Variants in INTS2 observed in about 807,000 individuals in gnomAD.
The protein encoded by INTS2 is KIAA1287.
INTS2 carries 57 observed loss-of-function variants against 139.6 expected under a neutral mutation model. That is an observed-to-expected ratio of 0.41 (90% CI 0.33 to 0.51). The LOEUF (loss-of-function observed/expected upper bound fraction) is 0.51, where lower values mean the gene tolerates loss of function less well. Ranked by LOEUF, INTS2 falls within the 20% of genes least tolerant of loss-of-function variation. The probability of loss-of-function intolerance (pLI) is 0.28; values close to 1 mark genes in which losing one functional copy is unlikely to be tolerated. For synonymous variants in INTS2, 473 were observed against 493.4 expected, an observed-to-expected ratio of 0.96 and a Z score of 0.55; for missense variants, 1,196 against 1,436.7, an observed-to-expected ratio of 0.83 and a Z score of 2.71.
In INTS2 at chr17:61,875,124, A is replaced by G. The variant is rs1038528690; in HGVS notation, c.2457-86T>C. 2 of 955,288 alleles carry G rather than the reference A, an allele frequency of 2.1e-6. No homozygotes were observed. The highest frequency in any genetic ancestry group is 3.7e-5 in the Admixed American group (1 of 27,046). The allele number at this position is 955,288 out of a possible 1,614,324, so 59.2% of individuals were successfully genotyped here. A position where few individuals can be genotyped will look rare whatever the true frequency, so the allele number is the denominator to read the frequency against. On this transcript the variant is annotated intron_variant, in intron 18 of 24. Transcript: ENST00000251334. This position sits in a 1 kb window ranked among gnomAD's most constrained non-coding sequence, Gnocchi z 4.6. Reference sequence around the variant, plus strand: ...CCAGTCCTTTCTATCTTAGAAAGTTATATTCAGTAAATAATTAGAAAATAC... The same window carrying G: ...CCAGTCCTTTCTATCTTAGAAAGTTGTATTCAGTAAATAATTAGAAAATAC...
chr17:61,874,934 C>A lies in INTS2; in HGVS notation c.2561G>T (p.Arg854Met). The change falls in exon 19 of 25, where the codon AGG becomes ATG. Residue 854 changes from arginine (R) to methionine (M), a missense_variant. Transcript: ENST00000251334. The part of the protein sequence containing the change: ...DLMIDPLIVL[R>M]CDQRVHRCPP... Reference sequence around the variant, plus strand: ...GTACCTGTGAACCCTCTGATCACACCTTAGGACAATGAGAGGATCTATCAT... The same window carrying A: ...GTACCTGTGAACCCTCTGATCACACATTAGGACAATGAGAGGATCTATCAT... The A allele has an allele frequency of 6.3e-7, 1 of 1,597,698 alleles. No individual in the cohort carries two copies.
chr17:61,914,702 CAA>C (rs58141533), intron 5 of INTS2, among the ~76,000 whole-genome samples: 28 of 49,326 alleles, frequency 5.7e-4, no homozygotes, highest in African/African-American at 1.1e-3. Context: ...GACTCCGTCT[CAA>C]AAAAAAAAAA....
Position 61,867,983 on chromosome 17 carries a change from A to G in INTS2, c.3271T>C (p.Phe1091Leu), listed in dbSNP as rs1396089215. 2 of 1,602,610 alleles carry G rather than the reference A, an allele frequency of 1.2e-6. No homozygotes were observed. The highest frequency in any genetic ancestry group is 1.7e-6 in the Non-Finnish European group (2 of 1,176,900). ...AAACTTGGCAGAGTTGGCATAAAAA[A>G]AGCATACCGCTTAGCCTGTGTTAAA... ...TVLTQAKRYA[F>L]FMPTLPSLVS... is the part of the protein sequence containing the mutation. Residue 1091 changes from phenylalanine to leucine, a missense_variant, in exon 24 of 25, where the codon TTT (phenylalanine) becomes CTT (leucine). By Grantham distance (22) the Phe-to-Leu change is conservative. Transcript: ENST00000251334. This position sits in a 1 kb window ranked among gnomAD's most constrained non-coding sequence, Gnocchi z 5.6.
At chr17:61,888,394 T>C (rs1163904443) in intron 15 of INTS2, among the ~76,000 whole-genome samples, 1 of 152,020 alleles carries the variant, frequency 6.6e-6, no homozygotes, top group Non-Finnish European at 1.5e-5. Context: ...AAATGAACTA[T>C]ACACATGTAG....
chr17:61,914,635 G>A (rs1203979525), intron 5 of INTS2, among the ~76,000 whole-genome samples: 7 of 151,202 alleles, frequency 4.6e-5, no homozygotes, highest in East Asian at 3.9e-4. Context: ...CACAGGAGGC[G>A]GAGCTTGCAG....
chr17:61,917,546 C>G (rs2079595267), intron 5 of INTS2, among the ~76,000 whole-genome samples: 1 of 152,224 alleles, frequency 6.6e-6, no homozygotes, highest in Non-Finnish European at 1.5e-5. Context: ...CCAAATACCA[C>G]ATGTTCTCAC....
In INTS2 at chr17:61,907,611, A is replaced by G. The variant is rs1204096187; in HGVS notation, c.978T>C (p.Ser326=). The change falls in exon 8 of 25, where the codon TCT becomes TCC. Residue 326 remains serine, a synonymous_variant. Coordinates refer to ENST00000251334, the MANE Select transcript of INTS2 (RefSeq NM_001351695.2). The stretch of plus-strand genomic sequence containing the variant: ...GCTGCCTTCTCATCTGCCAAAGGAC[A>G]GAACTGCTGGTCTCTCTTTTTCTCT... ...GQQRKRETSS[S]VLWQMRRQLL... 1.3e-6 allele frequency: 2 copies of G among 1,587,928 alleles called. No individual in the cohort carries two copies. Among genetic ancestry groups the G allele is most frequent in the Admixed American group, 3.6e-5 (2 of 55,820 alleles).
chr17:61,924,886 CTCTTTT>C, intron 3 of INTS2, 69 bp downstream of exon 3: 2 of 1,459,750 alleles, frequency 1.4e-6, no homozygotes, highest in Non-Finnish European at 1.9e-6. Flanking sequence ...GACTTCTTGT[CTCTTTT>C]TCTGTCTACC....
Position 61,869,952 on chromosome 17 carries a change from G to C in INTS2, c.2815C>G (p.Leu939Val), listed in dbSNP as rs778414752. 10 of 1,613,390 alleles carry C rather than the reference G, an allele frequency of 6.2e-6. No individual in the cohort carries two copies. The East Asian group carries it at 2.0e-4, about 32-fold the overall frequency. Residue 939 changes from leucine (L) to valine (V), a missense_variant, in exon 21 of 25, where the codon CTA becomes GTA. Coordinates refer to ENST00000251334, the MANE Select transcript of INTS2 (RefSeq NM_001351695.2). The surrounding 1 kb of genome is among the most constrained non-coding windows in gnomAD (Gnocchi z 5.4). Reference sequence around the variant, plus strand: ...TTTGCTTTCTCCTCTTCAGTAGGTAGGCAAATCTCTAAGAGAATCTGGACA... The same window carrying C: ...TTTGCTTTCTCCTCTTCAGTAGGTACGCAAATCTCTAAGAGAATCTGGACA... The part of the protein sequence containing the change: ...AAVQILLEIC[L>V]PTEEEKANGV...
intron 15 of INTS2, among the ~76,000 whole-genome samples, chr17:61,886,255 T>G (rs1448311558): frequency 6.6e-6 from 1 of 152,188 alleles, no homozygotes; most frequent in African/African-American, 2.4e-5. Context: ...TTCGCCATAT[T>G]GGCCAGGCTG....
At chr17:61,903,582 G>A (rs1260623438) in intron 9 of INTS2, among the ~76,000 whole-genome samples, 1 of 151,394 alleles carries the variant, frequency 6.6e-6, no homozygotes, top group African/African-American at 2.4e-5. Flanking sequence ...TAGGCTGGCA[G>A]AGAGTTTGAG....
At position 61,875,077 on chromosome 17, in the gene INTS2, A is replaced by G. The variant is rs1219602614; in HGVS notation, c.2457-39T>C. ...AATCACATGTTCAAAACAGTTTTTT[A>G]TATATTAAAATCTGTAGCCATCCAG... On this transcript the variant is annotated intron_variant, in intron 18 of 24. Coordinates refer to ENST00000251334, the MANE Select transcript of INTS2 (RefSeq NM_001351695.2). The surrounding 1 kb of genome is among the most constrained non-coding windows in gnomAD (Gnocchi z 4.6). The G allele has an allele frequency of 3.4e-6, 5 of 1,466,244 alleles. No homozygotes were observed. In the African/African-American group the frequency reaches 5.7e-5, roughly 17 times the overall value. 90.8% of individuals were successfully genotyped at this position (1,466,244 alleles called of 1,614,324 possible).
chr17:61,905,570 CA>C (rs1453806380), intron 8 of INTS2, among the ~76,000 whole-genome samples: 5 of 152,366 alleles, frequency 3.3e-5, no homozygotes, highest in African/African-American at 1.2e-4. Flanking sequence ...CACTGATCCA[CA>C]AGCCTTGGCC....
intron 2 of INTS2, among the ~76,000 whole-genome samples, chr17:61,925,396 T>C (rs2079699764): frequency 6.6e-6 from 1 of 151,150 alleles, no homozygotes; most frequent in Non-Finnish European, 1.5e-5. Context: ...CTGGCCAATA[T>C]GGTGAAACCT....
chr17:61,906,949 C>T (rs1455198591), intron 8 of INTS2, among the ~76,000 whole-genome samples: 1 of 106,696 alleles, frequency 9.4e-6, no homozygotes, highest in African/African-American at 3.8e-5. Flanking sequence ...GGGCGACAGA[C>T]GGAGATTCCA....
intron 8 of INTS2, among the ~76,000 whole-genome samples, chr17:61,906,122 T>C (rs1227415294): frequency 6.6e-6 from 1 of 152,120 alleles, no homozygotes; most frequent in Admixed American, 6.6e-5. Context: ...GCAATACAGG[T>C]TGAGTAACCC....
In INTS2 at chr17:61,909,509, T is replaced by C. The variant is rs1441735939; in HGVS notation, c.955-1875A>G. Among the ~76,000 whole-genome samples, 3 of 152,162 alleles carry C rather than the reference T, an allele frequency of 2.0e-5. No homozygotes were observed. Among genetic ancestry groups the C allele is most frequent in the Admixed American group, 6.6e-5 (1 of 15,262 alleles). ...GCTGTTGGTGTAGTCATCACCCTGA[T>C]AGTATACCCTGTACCCAATATAGGT... On this transcript the variant is annotated intron_variant, in intron 7 of 24. Coordinates refer to ENST00000251334, the MANE Select transcript of INTS2 (RefSeq NM_001351695.2). This position sits in a 1 kb window ranked among gnomAD's most constrained non-coding sequence, Gnocchi z 4.9.
At chr17:61,926,810 G>T in intron 1 of INTS2, 148 bp from the exon 2 acceptor site, 1 of 693,996 alleles carries the variant, frequency 1.4e-6, no homozygotes, top group Non-Finnish European at 2.6e-6. Flanking sequence ...AGGCTTCTCT[G>T]TCTCCCTAGG....
chr17:61,890,577 TC>T (rs1482760241), intron 14 of INTS2, among the ~76,000 whole-genome samples: 1 of 145,724 alleles, frequency 6.9e-6, no homozygotes, highest in Non-Finnish European at 1.5e-5. Flanking sequence ...GTCACTGCAC[TC>T]CGGTCGGGGC....
Sources: allele counts gnomAD v4.1 joint callset (sites outside exome capture counted in the v4.1 genomes callset), GRCh38; gene constraint gnomAD v4.1.1; non-coding constraint Gnocchi (gnomAD v3.1); transcripts MANE v1.5; gene names NCBI Gene and HGNC (gene_info 2026-07-23, HGNC 2026-07-21).